The following GTPBP4 variants were observed in gnomAD, a reference collection of about 807,000 sequenced individuals.
GTPBP4 encodes GTP binding protein 4.
A neutral mutation model predicts 81.7 loss-of-function variants in GTPBP4; 15 were observed. The observed-to-expected ratio is 0.18, with a 90% CI of 0.12 to 0.28. The LOEUF (loss-of-function observed/expected upper bound fraction) is 0.28. GTPBP4 is among the 10% of genes least tolerant of loss of function. GTPBP4 has a pLI of 1.00. For missense variants in GTPBP4, 847 were observed against 793.8 expected, an observed-to-expected ratio of 1.07 and a Z score of -0.81; for synonymous variants, 272 against 274.6, an observed-to-expected ratio of 0.99 and a Z score of 0.09.
intron 12 of GTPBP4, among the ~76,000 whole-genome samples, chr10:1,010,028 G>A (rs72478237): frequency 0.05 from 7,619 of 152,010 alleles, 431 homozygotes; most frequent in African/African-American, 0.14. Flanking sequence ...ACTCAGTGGG[G>A]GTTCTTCCAT....
rs549115592 is a variant in GTPBP4 at position 1,017,067 on chromosome 10, C to T, written c.1753-8C>T. ...TGAACATACTTTATTTTTTTCTCCT[C>T]CTTTTAGATGGTGAAGAAAGCCAAG... On this transcript the variant is annotated splice_region_variant and splice_polypyrimidine_tract_variant and intron_variant, in intron 16 of 16. Transcript: ENST00000360803. The T allele has an allele frequency of 2.5e-6, 4 of 1,604,188 alleles. No homozygotes were observed. The Admixed American group carries it at 5.2e-5, about 21-fold the overall frequency.
chr10:1,012,383 T>A, intron 13 of GTPBP4, 82 bp from the exon 14 acceptor site: 1 of 924,560 alleles, frequency 1.1e-6, no homozygotes, highest in Non-Finnish European at 1.6e-6. Flanking sequence ...GAAACAAAGC[T>A]CCCATACACA....
In GTPBP4 at chr10:999,019, TG is replaced by T; in HGVS notation, c.580del (p.Asp194MetfsTer27). 1 of 1,602,080 alleles carries T rather than the reference TG, an allele frequency of 6.2e-7. No homozygotes were observed. ...SFINKVTRADVDVQPYAFTTK... is the reference protein window; with the variant it reads ...SFINKVTRADXDVQPYAFTTK... Reference sequence around the variant, plus strand: ...TTGTTCCAGGTGACGAGAGCAGACGTGGATGTCCAGCCCTATGCGTTCACAA... The same window carrying T: ...TTGTTCCAGGTGACGAGAGCAGACGTGATGTCCAGCCCTATGCGTTCACAA... On this transcript the variant is annotated frameshift_variant, in exon 6 of 17. Transcript: ENST00000360803. LOFTEE classifies it high-confidence loss of function.
At position 1,010,392 on chromosome 10, in the gene GTPBP4, A is replaced by G. The variant is rs763571818; in HGVS notation, c.1244-28A>G. On this transcript the variant is annotated intron_variant, in intron 12 of 16. Coordinates refer to ENST00000360803, the MANE Select transcript of GTPBP4 (RefSeq NM_012341.3). ...CTTGAAGATATTAAAAACTGCTGTA[A>G]ACGTAACCACCTTTTTTTTAACTTT... The G allele has an allele frequency of 3.9e-5, 47 of 1,220,452 alleles. 1 individual carries two copies. Among genetic ancestry groups the G allele is most frequent in the Admixed American group, 1.9e-4 (11 of 56,448 alleles). The allele number at this position is 1,220,452 out of a possible 1,614,324, so 75.6% of individuals were successfully genotyped here. A position where few individuals can be genotyped will look rare whatever the true frequency, so the allele number is the denominator to read the frequency against.
At chr10:989,836 A>C (rs1252944599) in intron 1 of GTPBP4, among the ~76,000 whole-genome samples, 1 of 152,134 alleles carries the variant, frequency 6.6e-6, no homozygotes, top group East Asian at 1.9e-4. Flanking sequence ...TCCCAGGTTC[A>C]AGTGATTTTC....
At chr10:1,015,976 G>C (rs1039477945) in intron 16 of GTPBP4, 80 bp downstream of exon 16, 1 of 1,279,444 alleles carries the variant, frequency 7.8e-7, no homozygotes, top group African/African-American at 1.5e-5. Flanking sequence ...AACACCAGCA[G>C]TTGCCATTTG....
In GTPBP4 at chr10:1,000,994, A is replaced by T. The variant is rs142248903; in HGVS notation, c.893A>T (p.Glu298Val). 4.9e-5 allele frequency: 78 copies of T among 1,607,200 alleles called. No individual in the cohort carries two copies. Among genetic ancestry groups the T allele is most frequent in the Non-Finnish European group, 6.6e-5 (77 of 1,173,834 alleles). ...ANKCDVKRIAELSEDDQKIFT... is the reference protein window; with the variant it reads ...ANKCDVKRIAVLSEDDQKIFT... ...AAATGTGATGTGAAGAGAATAGCTG[A>T]ACTTTCTGAAGATGATCAGGTAAAT... is the stretch of plus-strand genomic sequence containing the variant. The change falls in exon 8 of 17, where the codon GAA becomes GTA. Residue 298 changes from glutamate to valine, a missense_variant. By Grantham distance (121) the Glu-to-Val change is moderately radical. This residue lies in a region of GTPBP4 where 600 missense variants were observed against 557.1 expected (regional missense o/e 1.08). Coordinates refer to ENST00000360803, the MANE Select transcript of GTPBP4 (RefSeq NM_012341.3).
At position 1,010,649 on chromosome 10, in the gene GTPBP4, GC is replaced by G; in HGVS notation, c.1344+134del. The G allele has an allele frequency of 5.7e-6, 4 of 700,900 alleles. No homozygotes were observed. The South Asian group carries it at 6.1e-5, about 11-fold the overall frequency. 43.4% of individuals were successfully genotyped at this position (700,900 alleles called of 1,614,324 possible). ...TTCTGCACCCCTCCATCCTGACTCT[GC>G]CCCCTGTACCACTTCCCCACCCTGA... On this transcript the variant is annotated intron_variant, in intron 13 of 16. Transcript: ENST00000360803.
intron 1 of GTPBP4, among the ~76,000 whole-genome samples, chr10:991,866 T>G (rs1831450121): frequency 6.7e-6 from 1 of 148,214 alleles, no homozygotes; most frequent in Admixed American, 6.7e-5. Context: ...CGGCTAATTT[T>G]TTGTATTTTT....
At position 1,019,641 on chromosome 10, in the gene GTPBP4, G is replaced by T. The variant is rs752920216; in HGVS notation, c.*2414G>T. On this transcript the variant is annotated 3_prime_UTR_variant, in exon 17 of 17. Transcript: ENST00000360803. The stretch of plus-strand genomic sequence containing the variant: ...GGGGGTGACTTTGACTTCACCCCTC[G>T]CCTCCCTCTCCAGCAGCTCCCACAG... 8 of 1,613,832 alleles carry T rather than the reference G, an allele frequency of 5.0e-6. No homozygotes were observed. In the Admixed American group the frequency reaches 8.3e-5, roughly 17 times the overall value.
intron 8 of GTPBP4, 65 bp from the exon 9 acceptor site, chr10:1,005,753 A>G (rs1831718008): frequency 1.1e-6 from 1 of 908,146 alleles, no homozygotes; most frequent in Non-Finnish European, 1.8e-6. Context: ...GCAGAACTGT[A>G]CAGTTTGTTC....
In GTPBP4 at chr10:1,015,900, A is replaced by C. The variant is rs773341377; in HGVS notation, c.1752+4A>C. 2.5e-6 allele frequency: 4 copies of C among 1,610,206 alleles called. No homozygotes were observed. The East Asian group carries it at 6.7e-5, about 27-fold the overall frequency. Reference sequence around the variant, plus strand: ...TTCTGGTCTTAGGGATGTCAAGGTCAGTCTCTGTGTTGTGTAATGTAATAA... The same window carrying C: ...TTCTGGTCTTAGGGATGTCAAGGTCCGTCTCTGTGTTGTGTAATGTAATAA... On this transcript the variant is annotated splice_donor_region_variant and intron_variant, in intron 16 of 16. Coordinates refer to ENST00000360803, the MANE Select transcript of GTPBP4 (RefSeq NM_012341.3).
rs1018024464 is a variant in GTPBP4, at chr10:1,019,005, C to G, written c.*1778C>G. ...GTCGAGTCACTTGGCTGAGACCATA[C>G]GCATCTTCCGTACTGCTTGTATTAG... On this transcript the variant is annotated 3_prime_UTR_variant, in exon 17 of 17. Transcript: ENST00000360803. 1 of 154,000 alleles carries G rather than the reference C, an allele frequency of 6.5e-6. No individual in the cohort carries two copies. Among genetic ancestry groups the G allele is most frequent in the Non-Finnish European group, 1.4e-5 (1 of 69,352 alleles). 9.5% of individuals were successfully genotyped at this position (154,000 alleles called of 1,614,324 possible). A position where few individuals can be genotyped will look rare whatever the true frequency, so the allele number is the denominator to read the frequency against.
At position 1,017,237 on chromosome 10, in the gene GTPBP4, G is replaced by A. The variant is rs1158597168; in HGVS notation, c.*10G>A. On this transcript the variant is annotated 3_prime_UTR_variant, in exon 17 of 17. Transcript: ENST00000360803. The stretch of plus-strand genomic sequence containing the variant: ...AAAGGACAGGAGATAGTATCCGTTT[G>A]GTTGGCGTGGCTTCGCTAGAGTGTT... 1.9e-6 allele frequency: 3 copies of A among 1,612,362 alleles called. No individual in the cohort carries two copies. Among genetic ancestry groups the A allele is most frequent in the Non-Finnish European group, 2.5e-6 (3 of 1,178,972 alleles).
intron 6 of GTPBP4, 25 bp from the exon 7 acceptor site, chr10:1,000,652 C>T: frequency 1.4e-6 from 2 of 1,433,510 alleles, no homozygotes; most frequent in South Asian, 1.6e-5. Flanking sequence ...AGTGTGCTTT[C>T]AGTGACAAGG....
At chr10:991,398 C>T (rs929265844) in intron 1 of GTPBP4, among the ~76,000 whole-genome samples, 15 of 152,164 alleles carry the variant, frequency 9.9e-5, no homozygotes, top group Non-Finnish European at 1.8e-4. Flanking sequence ...GGATCGGATC[C>T]TTATTAAAGA....
In GTPBP4 at chr10:1,009,514, CTCTT is replaced by C; in HGVS notation, c.1192-11_1192-8del. The C allele has an allele frequency of 1.3e-6, 2 of 1,584,444 alleles. No homozygotes were observed. The highest frequency in any genetic ancestry group is 1.7e-6 in the Non-Finnish European group (2 of 1,152,944). Reference sequence around the variant, plus strand: ...GGCAAAATGAAGCTGATGATAATTTCTCTTTCTATTGCAGGAACGAGATCTTGAG... The same window carrying C: ...GGCAAAATGAAGCTGATGATAATTTCTCTATTGCAGGAACGAGATCTTGAG... On this transcript the variant is annotated splice_polypyrimidine_tract_variant and intron_variant, in intron 11 of 16. Coordinates refer to ENST00000360803, the MANE Select transcript of GTPBP4 (RefSeq NM_012341.3).
Position 992,477 on chromosome 10 carries a change from C to A in GTPBP4, c.49-12C>A. 1 of 1,523,368 alleles carries A rather than the reference C, an allele frequency of 6.6e-7. No individual in the cohort carries two copies. The highest frequency in any genetic ancestry group is 9.0e-7 in the Non-Finnish European group (1 of 1,108,834). The allele number at this position is 1,523,368 out of a possible 1,614,324, so 94.4% of individuals were successfully genotyped here. A position where few individuals can be genotyped will look rare whatever the true frequency, so the allele number is the denominator to read the frequency against. On this transcript the variant is annotated splice_polypyrimidine_tract_variant and intron_variant, in intron 1 of 16. Transcript: ENST00000360803. ...TTTTGATGTAATTATGTTTTATTTTCTTTAATTGCAGGACTTCATAGACCT... is the reference window on the plus strand; with the variant it reads ...TTTTGATGTAATTATGTTTTATTTTATTTAATTGCAGGACTTCATAGACCT...
chr10:988,767 A>G (rs1304561913), intron 1 of GTPBP4: 6 of 497,312 alleles, frequency 1.2e-5, no homozygotes, highest in African/African-American at 2.0e-5. Context: ...GGTCCACCCA[A>G]AGACTGAGGG....
Sources: gnomAD v4.1 joint callset for allele counts (sites outside exome capture counted in the v4.1 genomes callset) on GRCh38, gnomAD v4.1.1 for gene constraint, gnomAD v4.1.1 regional missense constraint, MANE v1.5 for transcripts, NCBI Gene and HGNC (gene_info 2026-07-23, HGNC 2026-07-21) for gene names.